Variants in ADH4 observed in about 807,000 individuals in gnomAD.
ADH4 encodes the protein all-trans-retinol dehydrogenase [NAD(+)] ADH4.
A neutral mutation model predicts 35.2 loss-of-function variants in ADH4; 31 were observed. The observed-to-expected ratio is 0.88, with a 90% CI of 0.66 to 1.19. The LOEUF (loss-of-function observed/expected upper bound fraction) is 1.19, where lower values mean the gene tolerates loss of function less well. Among genes scored for constraint, ADH4 ranks in the 50% most tolerant of loss-of-function variants. The probability of loss-of-function intolerance (pLI) is 0.00; values close to 1 mark genes in which losing one functional copy is unlikely to be tolerated. For synonymous variants in ADH4, 171 were observed against 160.2 expected (o/e 1.07, Z -0.51); for missense variants, 476 against 458.3 (o/e 1.04, Z -0.35).
Position 99,124,394 on chromosome 4 carries a change from G to T in ADH4, c.*48C>A. On this transcript the variant is annotated 3_prime_UTR_variant, in exon 9 of 9. Transcript: ENST00000265512. The stretch of plus-strand genomic sequence containing the variant: ...TCAAATCAGGTAATAAATTAACCAG[G>T]CAGGTTCACATTCAATCAGATAGTA... The T allele has an allele frequency of 7.5e-7, 1 of 1,339,004 alleles. No individual in the cohort carries two copies. Among genetic ancestry groups the T allele is most frequent in the Non-Finnish European group, 1.1e-6 (1 of 949,406 alleles). 82.9% of individuals were successfully genotyped at this position (1,339,004 alleles called of 1,614,324 possible). A position where few individuals can be genotyped will look rare whatever the true frequency, so the allele number is the denominator to read the frequency against.
intron 3 of ADH4, among the ~76,000 whole-genome samples, chr4:99,140,866 CA>C (rs35246304): frequency 0.73 from 92,497 of 127,438 alleles, 32,520 homozygotes; most frequent in East Asian, 0.98. Context: ...GGCTCCATCT[CA>C]AAAAAAAAAA....
chr4:99,136,466 C>G lies in ADH4; in HGVS notation c.582G>C (p.Lys194Asn), dbSNP rs1729434631. 1.2e-6 allele frequency: 2 copies of G among 1,612,970 alleles called. No homozygotes were observed. Among genetic ancestry groups the G allele is most frequent in the Non-Finnish European group, 8.5e-7 (1 of 1,179,108 alleles). ...CACAAACTGGTGTTTAACCATTTACCTTGGCATTGTTGATTGCAGCCCCAT... is the reference window on the plus strand; with the variant it reads ...CACAAACTGGTGTTTAACCATTTACGTTGGCATTGTTGATTGCAGCCCCAT... ...TGYGAAINNA[K>N]VTPGSTCAVF... The change falls in exon 5 of 9, where the codon AAG becomes AAC. Residue 194 changes from lysine (K) to asparagine (N), a missense_variant and splice_region_variant. Lys to Asn is a moderately conservative substitution (Grantham distance 94). Coordinates refer to ENST00000265512, the MANE Select transcript of ADH4 (RefSeq NM_000670.5).
At position 99,141,656 on chromosome 4, in the gene ADH4, A is replaced by C. The variant is rs1255988720; in HGVS notation, c.147T>G (p.Thr49=). Residue 49 remains threonine (T), a synonymous_variant, in exon 3 of 9, where the codon ACT becomes ACG. Coordinates refer to ENST00000265512, the MANE Select transcript of ADH4 (RefSeq NM_000670.5). ...IQIIATSLCH[T]DATVIDSKFE... is the part of the protein sequence containing the mutation. ...ATTTAGAATCGATAACAGTGGCATC[A>C]GTATGGCACAGAGAGGTAGCAATGA... 6.2e-7 allele frequency: 1 copy of C among 1,614,108 alleles called. No individual in the cohort carries two copies. Among genetic ancestry groups the C allele is most frequent in the Non-Finnish European group, 8.5e-7 (1 of 1,179,956 alleles).
Position 99,136,456 on chromosome 4 carries a change from A to T in ADH4, c.582+10T>A, listed in dbSNP as rs1178428519. The stretch of plus-strand genomic sequence containing the variant: ...TTCTGTTTTACACAAACTGGTGTTT[A>T]ACCATTTACCTTGGCATTGTTGATT... On this transcript the variant is annotated intron_variant, in intron 5 of 8. Coordinates refer to ENST00000265512, the MANE Select transcript of ADH4 (RefSeq NM_000670.5). 6.2e-7 allele frequency: 1 copy of T among 1,610,282 alleles called. No homozygotes were observed. The highest frequency in any genetic ancestry group is 1.3e-5 in the African/African-American group (1 of 74,864).
At chr4:99,139,678 A>G (rs1389829060) in intron 3 of ADH4, among the ~76,000 whole-genome samples, 1 of 152,212 alleles carries the variant, frequency 6.6e-6, no homozygotes, top group African/African-American at 2.4e-5. Context: ...CATTTAATAC[A>G]TACCACGCAC....
intron 6 of ADH4, 49 bp from the exon 7 acceptor site, chr4:99,127,393 T>G: frequency 4.1e-6 from 6 of 1,461,930 alleles, no homozygotes; most frequent in Non-Finnish European, 5.6e-6. Flanking sequence ...AAGTAGAATA[T>G]GAACTCCAGT....
intron 5 of ADH4, 115 bp downstream of exon 5, chr4:99,136,351 C>A: frequency 1.2e-6 from 1 of 801,402 alleles, no homozygotes; most frequent in Non-Finnish European, 2.0e-6. Flanking sequence ...TGCTTAAAAT[C>A]ACAGAGGTAA....
intron 8 of ADH4, among the ~76,000 whole-genome samples, chr4:99,125,992 T>C (rs1435131653): frequency 1.2e-5 from 1 of 81,678 alleles, no homozygotes; most frequent in African/African-American, 5.6e-5. Flanking sequence ...TTGATCCTAG[T>C]CTTACTAATC....
At chr4:99,139,021 A>G in intron 4 of ADH4, 40 bp downstream of exon 4, 1 of 1,482,314 alleles carries the variant, frequency 6.7e-7, no homozygotes, top group South Asian at 1.2e-5. Flanking sequence ...CAAAATATTC[A>G]TTCAAATTTA....
chr4:99,125,973 C>A (rs750701429), intron 8 of ADH4, among the ~76,000 whole-genome samples: 12 of 148,444 alleles, frequency 8.1e-5, no homozygotes, highest in Non-Finnish European at 1.6e-4. Flanking sequence ...AACATTTTAC[C>A]TAGAATCATT....
Position 99,136,621 on chromosome 4 carries a change from C to A in ADH4, c.427G>T (p.Val143Phe), listed in dbSNP as rs1729441677. ...TSRFTCKGKP[V>F]YHFFGTSTFS... ...GTACTGGTTCCAAAGAAATGGTAAA[C>A]TGGTTTTCCTTTGCAGGTAAACCTG... The change falls in exon 5 of 9, where the codon GTT becomes TTT. Residue 143 changes from valine (V) to phenylalanine (F), a missense_variant. Transcript: ENST00000265512. 6.2e-7 allele frequency: 1 copy of A among 1,613,982 alleles called. No homozygotes were observed. The highest frequency in any genetic ancestry group is 8.5e-7 in the Non-Finnish European group (1 of 1,180,020).
rs1268505512 is a variant in ADH4, at chr4:99,126,704, C to A, written c.1008G>T (p.Lys336Asn). The A allele has an allele frequency of 6.2e-7, 1 of 1,609,642 alleles. No homozygotes were observed. The highest frequency in any genetic ancestry group is 8.5e-7 in the Non-Finnish European group (1 of 1,177,004). The change falls in exon 8 of 9, where the codon AAG (lysine) becomes AAT (asparagine). Residue 336 changes from lysine (K) to asparagine (N), a missense_variant. Transcript: ENST00000265512. The part of the protein sequence containing the change: ...GGWKSVDSIP[K>N]LVTDYKNKKF... ...TCTTATTCTTATAGTCAGTGACCAG[C>A]TTTGGGATAGAATCTACACTTTTCC...
rs769350516 is a variant in ADH4, at chr4:99,127,336, GGCT to G, written c.849_851del (p.Ala284del). Reference sequence around the variant, plus strand: ...CCCAGCCTGCGGTTGTACAGTCCAGGGCTGCTTTCTGTGATGGAGCATAAAAGA... The same window carrying G: ...CCCAGCCTGCGGTTGTACAGTCCAGGGCTTTCTGTGATGGAGCATAAAAGA... On this transcript the variant is annotated inframe_deletion, in exon 7 of 9. Transcript: ENST00000265512. The G allele has an allele frequency of 6.3e-7, 1 of 1,593,770 alleles. No individual in the cohort carries two copies.
chr4:99,127,057 A>C (rs1729117679), intron 7 of ADH4, 152 bp downstream of exon 7: 1 of 458,312 alleles, frequency 2.2e-6, no homozygotes, highest in Non-Finnish European at 3.6e-6. Context: ...ATTATTTATA[A>C]GTCATTAATA....
intron 1 of ADH4, among the ~76,000 whole-genome samples, chr4:99,143,772 C>G (rs1054751853): frequency 6.6e-6 from 1 of 152,134 alleles, no homozygotes; most frequent in Non-Finnish European, 1.5e-5. Flanking sequence ...TAAGATTCAT[C>G]TGTAAGCTCA....
At position 99,138,237 on chromosome 4, in the gene ADH4, C is replaced by CA. The variant is rs535352121; in HGVS notation, c.350+823dup. On this transcript the variant is annotated intron_variant, in intron 4 of 8. Transcript: ENST00000265512. ...AATCCATTATTTCATTAAAGCTTTGCAAAAAAAATTAGTTCTTTGAATATC... is the reference window on the plus strand; with the variant it reads ...AATCCATTATTTCATTAAAGCTTTGCAAAAAAAAATTAGTTCTTTGAATATC... Among the ~76,000 whole-genome samples the CA allele has an allele frequency of 2.6e-4, 39 of 151,426 alleles. No individual in the cohort carries two copies. The East Asian group carries it at 2.9e-3, about 11-fold the overall frequency.
At chr4:99,133,987 A>C (rs909252226) in intron 5 of ADH4, among the ~76,000 whole-genome samples, 20 of 152,212 alleles carry the variant, frequency 1.3e-4, no homozygotes, top group African/African-American at 4.8e-4. Flanking sequence ...ATGCTTTTAA[A>C]AAAATGAAAA....
chr4:99,139,416 T>C (rs1729542804), intron 3 of ADH4, among the ~76,000 whole-genome samples: 2 of 152,208 alleles, frequency 1.3e-5, no homozygotes, highest in Admixed American at 1.3e-4. Flanking sequence ...GACTTTGCTG[T>C]CATTGTGACT....
intron 5 of ADH4, among the ~76,000 whole-genome samples, chr4:99,135,356 G>C (rs1729402829): frequency 6.6e-6 from 1 of 152,148 alleles, no homozygotes; most frequent in Admixed American, 6.5e-5. Flanking sequence ...TTGAGCCCAG[G>C]AGGTCAAGGC....
Sources: allele counts gnomAD v4.1 joint callset (sites outside exome capture counted in the v4.1 genomes callset), GRCh38; gene constraint gnomAD v4.1.1; transcripts MANE v1.5; gene names NCBI Gene and HGNC (gene_info 2026-07-23, HGNC 2026-07-21).